The following SHOC2 variants were observed in gnomAD, a reference collection of about 807,000 sequenced individuals.
The protein encoded by SHOC2 is leucine-rich repeat protein SHOC-2.
In SHOC2, 4 loss-of-function variants were observed where a neutral mutation model predicts 50.2. That is an observed-to-expected ratio of 0.08 (90% CI 0.04 to 0.18). SHOC2 has a LOEUF of 0.18. Ranked by LOEUF, SHOC2 falls within the 10% of genes least tolerant of loss-of-function variation. The pLI is 1.00. For missense variants in SHOC2, 388 were observed against 669.6 expected (o/e 0.58, Z 4.64); for synonymous variants, 218 against 244.5 (o/e 0.89, Z 1.01).
At chr10:110,944,269 A>G (rs1847206347) in intron 1 of SHOC2, among the ~76,000 whole-genome samples, 1 of 151,352 alleles carries the variant, frequency 6.6e-6, no homozygotes, top group African/African-American at 2.4e-5. Context: ...CCCTCTTACC[A>G]TTTTACCATT....
Position 110,964,836 on chromosome 10 carries a change from A to C in SHOC2, c.478A>C (p.Ser160Arg). ...TLALSENSLT[S>R]LPDSLDNLKK... ...GGCTCTAAGTGAAAATTCACTTACC[A>C]GTTTGCCTGACTCTCTTGATAACTT... Residue 160 changes from serine (S) to arginine (R), a missense_variant, in exon 2 of 9, where the codon AGT becomes CGT. By Grantham distance (110) the Ser-to-Arg change is moderately radical. Transcript: ENST00000369452. The surrounding 1 kb of genome is among the most constrained non-coding windows in gnomAD (Gnocchi z 4.9). 1 of 1,614,060 alleles carries C rather than the reference A, an allele frequency of 6.2e-7. No individual in the cohort carries two copies. The highest frequency in any genetic ancestry group is 8.5e-7 in the Non-Finnish European group (1 of 1,179,932).
intron 1 of SHOC2, among the ~76,000 whole-genome samples, chr10:110,932,819 C>T (rs1197561934): frequency 6.6e-6 from 1 of 152,116 alleles, no homozygotes; most frequent in African/African-American, 2.4e-5. Flanking sequence ...TTGCACCTTG[C>T]AAAGTGCAAG....
chr10:110,990,130 A>G (rs929589504), intron 3 of SHOC2, among the ~76,000 whole-genome samples: 7 of 152,280 alleles, frequency 4.6e-5, no homozygotes, highest in African/African-American at 1.7e-4. Context: ...CAAAATGTTC[A>G]AGGGCTGAGG....
chr10:110,957,229 A>C (rs1447336931), intron 1 of SHOC2, among the ~76,000 whole-genome samples: 1 of 152,238 alleles, frequency 6.6e-6, no homozygotes, highest in East Asian at 1.9e-4. Flanking sequence ...ATTGGTTAGA[A>C]TAGTGCCCTG....
chr10:110,945,980 A>C lies in SHOC2; in HGVS notation c.-234-18145A>C, dbSNP rs140586684. Among the ~76,000 whole-genome samples the C allele has an allele frequency of 4.9e-3, 748 of 152,132 alleles. 4 individuals carry two copies. The highest frequency in any genetic ancestry group is 0.017 in the African/African-American group (721 of 41,512). On this transcript the variant is annotated intron_variant, in intron 1 of 8. Transcript: ENST00000369452. The stretch of plus-strand genomic sequence containing the variant: ...CCTCTTAAACATCTTGTGGGTTACC[A>C]TCATATGTCAGTGTTCATCTCTTCC...
intron 1 of SHOC2, among the ~76,000 whole-genome samples, chr10:110,961,570 A>G (rs1847572322): frequency 6.6e-6 from 1 of 152,188 alleles, no homozygotes; most frequent in African/African-American, 2.4e-5. Flanking sequence ...TTCTCTGACT[A>G]GTTATATTTC....
intron 3 of SHOC2, 124 bp from the exon 4 acceptor site, chr10:111,000,291 G>A: frequency 1.1e-6 from 1 of 876,150 alleles, no homozygotes; most frequent in Non-Finnish European, 1.8e-6. Flanking sequence ...TGTGCTAGAA[G>A]TTAAGGAACT....
intron 1 of SHOC2, among the ~76,000 whole-genome samples, chr10:110,933,079 C>G (rs1554853945): frequency 6.6e-6 from 1 of 152,082 alleles, no homozygotes; most frequent in Non-Finnish European, 1.5e-5. Flanking sequence ...TAATCATAGA[C>G]TAAATGATCT....
intron 3 of SHOC2, among the ~76,000 whole-genome samples, chr10:110,989,554 T>C (rs894389377): frequency 6.6e-6 from 1 of 152,208 alleles, no homozygotes. Flanking sequence ...AGGATCTCAG[T>C]AGAACTTGTT....
In SHOC2 at chr10:110,998,613, A is replaced by G. The variant is rs575775306; in HGVS notation, c.842-1802A>G. ...ACTCTTGGCCCAGTTTCCAAACACTATTGTACAAAAGTGATGTATTAGTAA... is the reference window on the plus strand; with the variant it reads ...ACTCTTGGCCCAGTTTCCAAACACTGTTGTACAAAAGTGATGTATTAGTAA... On this transcript the variant is annotated intron_variant, in intron 3 of 8. Transcript: ENST00000369452. 2.6e-5 allele frequency among the ~76,000 whole-genome samples: 4 copies of G among 152,304 alleles called. No homozygotes were observed. In the South Asian group the frequency reaches 6.2e-4, roughly 24 times the overall value.
chr10:110,990,498 G>T (rs527515096), intron 3 of SHOC2, among the ~76,000 whole-genome samples: 3 of 149,598 alleles, frequency 2.0e-5, no homozygotes, highest in Admixed American at 6.7e-5. Flanking sequence ...CCTGTGTGTC[G>T]AAACTCTGTA....
At chr10:110,984,211 T>A (rs942775145) in intron 2 of SHOC2, among the ~76,000 whole-genome samples, 1 of 152,172 alleles carries the variant, frequency 6.6e-6, no homozygotes, top group Non-Finnish European at 1.5e-5. Flanking sequence ...GGGTATGAAG[T>A]GGTATCTTGT....
At chr10:110,965,968 G>A (rs966646418) in intron 2 of SHOC2, among the ~76,000 whole-genome samples, 8 of 151,990 alleles carry the variant, frequency 5.3e-5, no homozygotes, top group Admixed American at 5.2e-4. Context: ...CTTTTTAAAG[G>A]ATGTTTTCTT....
intron 1 of SHOC2, among the ~76,000 whole-genome samples, chr10:110,940,739 T>TA (rs1847120336): frequency 6.6e-6 from 1 of 152,156 alleles, no homozygotes; most frequent in Non-Finnish European, 1.5e-5. Context: ...ATTTTTTCTT[T>TA]AACAAATTGA....
chr10:110,923,341 T>G (rs1420339889), intron 1 of SHOC2, among the ~76,000 whole-genome samples: 1 of 152,074 alleles, frequency 6.6e-6, no homozygotes, highest in Non-Finnish European at 1.5e-5. Context: ...TCTGAGAAAC[T>G]TTTATGTTCT....
chr10:110,988,900 T>C, intron 3 of SHOC2: 1 of 468,900 alleles, frequency 2.1e-6, no homozygotes. Context: ...TAATTTACCC[T>C]TTTGTTTCTT....
intron 2 of SHOC2, among the ~76,000 whole-genome samples, chr10:110,979,197 A>G (rs1251981037): frequency 6.6e-6 from 1 of 152,204 alleles, no homozygotes; most frequent in African/African-American, 2.4e-5. Flanking sequence ...AGGTTGCTGG[A>G]GAGAGGGCTT....
intron 1 of SHOC2, 87 bp downstream of exon 1, chr10:110,919,744 T>A: frequency 5.1e-6 from 2 of 395,724 alleles, no homozygotes; most frequent in Non-Finnish European, 8.9e-6. Flanking sequence ...GGGCTGGCTG[T>A]CGGTAGGGGG....
At chr10:110,989,171 G>T (rs80337471) in intron 3 of SHOC2, among the ~76,000 whole-genome samples, 1 of 152,128 alleles carries the variant, frequency 6.6e-6, no homozygotes, top group Non-Finnish European at 1.5e-5. Flanking sequence ...TTCTACTTTT[G>T]TTGGGTGGAG....
Sources: gnomAD v4.1 joint callset for allele counts (sites outside exome capture counted in the v4.1 genomes callset) on GRCh38, gnomAD v4.1.1 for gene constraint, Gnocchi (gnomAD v3.1) non-coding constraint, MANE v1.5 for transcripts, NCBI Gene and HGNC (gene_info 2026-07-23, HGNC 2026-07-21) for gene names.